Variants in PARD3B observed in about 807,000 individuals in gnomAD.
PARD3B encodes the protein partitioning defective 3 homolog B.
A neutral mutation model predicts 130.2 loss-of-function variants in PARD3B; 103 were observed. The ratio of observed to expected loss-of-function variants is 0.79; its 90% CI spans 0.67 to 0.93. PARD3B has a LOEUF of 0.93. Among genes scored for constraint, PARD3B ranks in the 40% least tolerant of loss-of-function variants. The pLI, the probability that PARD3B is intolerant of heterozygous loss-of-function variation, is 0.00. For synonymous variants in PARD3B, 583 were observed against 553.2 expected, an observed-to-expected ratio of 1.05 and a Z score of -0.76; for missense variants, 1,609 against 1,499.2, an observed-to-expected ratio of 1.07 and a Z score of -1.21.
intron 2 of PARD3B, among the ~76,000 whole-genome samples, chr2:204,851,394 G>T (rs1383285288): frequency 6.6e-6 from 1 of 152,166 alleles, no homozygotes; most frequent in Non-Finnish European, 1.5e-5. Context: ...TAATAGAATA[G>T]CAGAAGAATA....
chr2:204,670,681 AAAT>A (rs1407649947), intron 1 of PARD3B, among the ~76,000 whole-genome samples: 2 of 152,062 alleles, frequency 1.3e-5, no homozygotes, highest in African/African-American at 4.8e-5. Flanking sequence ...TTGTTTCCTA[AAAT>A]TATTGTTAGG....
At position 204,576,634 on chromosome 2, in the gene PARD3B, T is replaced by G. The variant is rs546636306; in HGVS notation, c.120+30515T>G. ...GTGTGTGTGCACGCATGTAAATGAATATACATGCTTGAGTGTGGTTATATT... is the reference window on the plus strand; with the variant it reads ...GTGTGTGTGCACGCATGTAAATGAAGATACATGCTTGAGTGTGGTTATATT... On this transcript the variant is annotated intron_variant, in intron 1 of 22. Transcript: ENST00000406610. Among the ~76,000 whole-genome samples the G allele has an allele frequency of 7.9e-5, 12 of 152,300 alleles. No homozygotes were observed. In the South Asian group the frequency reaches 2.5e-3, roughly 32 times the overall value.
intron 21 of PARD3B, among the ~76,000 whole-genome samples, chr2:205,504,950 T>C (rs1177458006): frequency 1.3e-5 from 2 of 152,228 alleles, no homozygotes; most frequent in Non-Finnish European, 2.9e-5. Context: ...CGTATGTTTA[T>C]TGTGGCACTA....
chr2:204,597,557 T>C (rs1268475596), intron 1 of PARD3B, among the ~76,000 whole-genome samples: 1 of 152,212 alleles, frequency 6.6e-6, no homozygotes, highest in Non-Finnish European at 1.5e-5. Context: ...ATTTCAGTTC[T>C]TGAACATCTC....
chr2:204,737,571 G>A (rs992076020), intron 2 of PARD3B, among the ~76,000 whole-genome samples: 4 of 152,236 alleles, frequency 2.6e-5, no homozygotes, highest in African/African-American at 9.6e-5. Flanking sequence ...CTGTGTGGAA[G>A]CTTTTTAGCT....
At chr2:204,870,394 G>T (rs2045587934) in intron 2 of PARD3B, among the ~76,000 whole-genome samples, 1 of 152,138 alleles carries the variant, frequency 6.6e-6, no homozygotes. Flanking sequence ...CCTGTGCTCT[G>T]TTTGCATGCT....
At chr2:205,520,592 TTGG>T (rs2051001832) in intron 21 of PARD3B, among the ~76,000 whole-genome samples, 1 of 152,110 alleles carries the variant, frequency 6.6e-6, no homozygotes, top group African/African-American at 2.4e-5. Flanking sequence ...GCTTAGGTAA[TTGG>T]TAAAAGTGTT....
At chr2:204,549,276 GCTT>G (rs2125040307) in intron 1 of PARD3B, among the ~76,000 whole-genome samples, 1 of 152,312 alleles carries the variant, frequency 6.6e-6, no homozygotes, top group African/African-American at 2.4e-5. Flanking sequence ...CTGTGGGATT[GCTT>G]ATCTCCGAAT....
At chr2:204,917,412 G>T (rs1575299482) in intron 2 of PARD3B, among the ~76,000 whole-genome samples, 1 of 152,284 alleles carries the variant, frequency 6.6e-6, no homozygotes, top group East Asian at 1.9e-4. Flanking sequence ...AGGATGGATT[G>T]ATTTATTTCA....
At chr2:205,328,898 A>G (rs183483278) in intron 18 of PARD3B, among the ~76,000 whole-genome samples, 3 of 152,292 alleles carry the variant, frequency 2.0e-5, no homozygotes, top group Admixed American at 6.5e-5. Context: ...GATATTAGGA[A>G]TATGAAGTGG....
chr2:205,204,912 G>T (rs2037200145), intron 15 of PARD3B, among the ~76,000 whole-genome samples: 1 of 152,112 alleles, frequency 6.6e-6, no homozygotes, highest in Non-Finnish European at 1.5e-5. Context: ...TTTTTGCTTA[G>T]GGCTGTCTTG....
chr2:205,441,566 A>T (rs1575031844), intron 20 of PARD3B, among the ~76,000 whole-genome samples: 1 of 152,142 alleles, frequency 6.6e-6, no homozygotes, highest in African/African-American at 2.4e-5. Context: ...TGAAGAAAAG[A>T]CTTGTTTTCC....
At chr2:205,140,421 A>G (rs1161719219) in intron 10 of PARD3B, among the ~76,000 whole-genome samples, 1 of 138,000 alleles carries the variant, frequency 7.2e-6, no homozygotes, top group Non-Finnish European at 1.5e-5. Context: ...TGAGCGTGGT[A>G]TTGAGTAGAC....
chr2:205,598,977 G>A (rs555612624), intron 22 of PARD3B, among the ~76,000 whole-genome samples: 2 of 152,294 alleles, frequency 1.3e-5, no homozygotes, highest in African/African-American at 2.4e-5. Flanking sequence ...GTGTTAAGAG[G>A]AAAGTTTGTA....
chr2:204,838,764 C>T (rs1030394623), intron 2 of PARD3B, among the ~76,000 whole-genome samples: 1 of 151,922 alleles, frequency 6.6e-6, no homozygotes, highest in African/African-American at 2.4e-5. Flanking sequence ...ATGGATATCC[C>T]AATTATACTT....
At chr2:205,008,552 T>C (rs1275463730) in intron 3 of PARD3B, among the ~76,000 whole-genome samples, 3 of 152,180 alleles carry the variant, frequency 2.0e-5, no homozygotes, top group Non-Finnish European at 4.4e-5. Flanking sequence ...TGCCTTCCAC[T>C]TGATTGCTCT....
chr2:205,407,087 T>C lies in PARD3B; in HGVS notation c.2741+5964T>C, dbSNP rs1017086892. On this transcript the variant is annotated intron_variant, in intron 19 of 22. Coordinates refer to ENST00000406610, the MANE Select transcript of PARD3B (RefSeq NM_001302769.2). The surrounding 1 kb of genome is among the most constrained non-coding windows in gnomAD (Gnocchi z 4.1). The stretch of plus-strand genomic sequence containing the variant: ...ATGGAAGCATTTACTTTTACTTTTC[T>C]AGAGCAATAATTATTGAACTTGTCA... Among the ~76,000 whole-genome samples, 2 of 152,206 alleles carry C rather than the reference T, an allele frequency of 1.3e-5. No homozygotes were observed. The highest frequency in any genetic ancestry group is 4.8e-5 in the African/African-American group (2 of 41,452).
intron 2 of PARD3B, among the ~76,000 whole-genome samples, chr2:204,707,051 A>G (rs2038199843): frequency 6.6e-6 from 1 of 152,190 alleles, no homozygotes; most frequent in African/African-American, 2.4e-5. Context: ...TAAGATTTGA[A>G]AAGTAGCAGG....
chr2:204,830,750 C>T (rs2043788366), intron 2 of PARD3B, among the ~76,000 whole-genome samples: 1 of 152,154 alleles, frequency 6.6e-6, no homozygotes, highest in African/African-American at 2.4e-5. Context: ...AGCTGTCCAG[C>T]TTGGAGGAAC....
Sources: allele counts gnomAD v4.1 joint callset (sites outside exome capture counted in the v4.1 genomes callset), GRCh38; gene constraint gnomAD v4.1.1; non-coding constraint Gnocchi (gnomAD v3.1); transcripts MANE v1.5; gene names NCBI Gene and HGNC (gene_info 2026-07-23, HGNC 2026-07-21).